The following AVEN variants were observed in gnomAD, a reference collection of about 807,000 sequenced individuals.
AVEN encodes the protein apoptosis and caspase activation inhibitor, also known as cell death regulator Aven.
In AVEN, 41 loss-of-function variants were observed where a neutral mutation model predicts 38.1. The ratio of observed to expected loss-of-function variants is 1.08; its 90% CI spans 0.84 to 1.40. The LOEUF (loss-of-function observed/expected upper bound fraction) is 1.40. Ranked by LOEUF, AVEN falls within the 40% of genes most tolerant of loss-of-function variation. AVEN has a pLI of 0.00. For missense variants in AVEN, 605 were observed against 438.8 expected (o/e 1.38, Z -3.38); for synonymous variants, 206 against 171.8 (o/e 1.20, Z -1.56).
At chr15:33,910,868 T>C (rs1277978005) in intron 2 of AVEN, among the ~76,000 whole-genome samples, 2 of 152,188 alleles carry the variant, frequency 1.3e-5, no homozygotes, top group Non-Finnish European at 2.9e-5. Flanking sequence ...TAGTTATCAC[T>C]CAACTCTCCA....
intron 2 of AVEN, among the ~76,000 whole-genome samples, chr15:33,901,157 C>T (rs533031558): frequency 1.3e-5 from 2 of 152,246 alleles, no homozygotes; most frequent in South Asian, 4.1e-4. Context: ...GTCACAGCTA[C>T]TTGGGAGGCT....
intron 2 of AVEN, among the ~76,000 whole-genome samples, chr15:33,937,609 A>T (rs115487924): frequency 6.6e-6 from 1 of 151,988 alleles, no homozygotes; most frequent in Non-Finnish European, 1.5e-5. Flanking sequence ...TAACCCCCCA[A>T]TGTGATAGTA....
chr15:34,066,337 T>G (rs890455068), intron 3 of AVEN: 2 of 152,258 alleles, frequency 1.3e-5, no homozygotes, highest in African/African-American at 2.4e-5. Context: ...AACCCCTTCA[T>G]GAGAATAGGC....
At chr15:33,986,091 A>T (rs944230574) in intron 2 of AVEN, among the ~76,000 whole-genome samples, 1 of 17,798 alleles carries the variant, frequency 5.6e-5, no homozygotes, top group African/African-American at 6.7e-5. Flanking sequence ...TTTCACTGTA[A>T]ATTTTTTTTT....
intron 2 of AVEN, among the ~76,000 whole-genome samples, chr15:33,903,591 T>C (rs1043598792): frequency 3.9e-5 from 6 of 152,234 alleles, no homozygotes; most frequent in African/African-American, 1.4e-4. Context: ...AACTACAAGT[T>C]TCCTCAAAGC....
At position 33,866,468 on chromosome 15, in the gene AVEN, G is replaced by GAGGT. The variant is rs1365330024; in HGVS notation, c.*141_*144dup. The GAGGT allele has an allele frequency of 8.2e-6, 5 of 612,752 alleles. No homozygotes were observed. In the African/African-American group the frequency reaches 9.3e-5, roughly 11 times the overall value. 38.0% of individuals were successfully genotyped at this position (612,752 alleles called of 1,614,324 possible). A position where few individuals can be genotyped will look rare whatever the true frequency, so the allele number is the denominator to read the frequency against. On this transcript the variant is annotated 3_prime_UTR_variant, in exon 6 of 6. Coordinates refer to ENST00000306730, the MANE Select transcript of AVEN (RefSeq NM_020371.3). ...TGTATTCTTTCAGATGTCAAACACA[G>GAGGT]AGGTAGGCATTTACTGCTGTGAGCA...
At chr15:33,988,058 G>A (rs1198670776) in intron 2 of AVEN, among the ~76,000 whole-genome samples, 1 of 152,216 alleles carries the variant, frequency 6.6e-6, no homozygotes, top group Non-Finnish European at 1.5e-5. Context: ...GCAGTGCCCT[G>A]AGGCCTGGCT....
At chr15:33,945,202 C>T (rs554338684) in intron 2 of AVEN, among the ~76,000 whole-genome samples, 23 of 152,274 alleles carry the variant, frequency 1.5e-4, no homozygotes, top group African/African-American at 5.3e-4. Context: ...GGTACAACCA[C>T]AAGAGACATT....
intron 2 of AVEN, among the ~76,000 whole-genome samples, chr15:33,987,248 A>G (rs1489210544): frequency 1.3e-5 from 2 of 152,184 alleles, no homozygotes; most frequent in Non-Finnish European, 2.9e-5. Context: ...TATGTGCTTT[A>G]TTCTTTTGCA....
At chr15:33,891,116 T>C (rs1457659267) in intron 2 of AVEN, among the ~76,000 whole-genome samples, 1 of 151,510 alleles carries the variant, frequency 6.6e-6, no homozygotes, top group Non-Finnish European at 1.5e-5. Context: ...AAAAAAAAAA[T>C]CCTAAAAGAT....
downstream of AVEN, among the ~76,000 whole-genome samples, chr15:33,863,360 G>C (rs1426395625): frequency 2.6e-5 from 4 of 152,156 alleles, no homozygotes; most frequent in African/African-American, 9.7e-5. Context: ...CTGTGGGCCA[G>C]GACCTGACGC....
At chr15:33,954,967 G>A (rs1448295713) in intron 2 of AVEN, among the ~76,000 whole-genome samples, 3 of 152,126 alleles carry the variant, frequency 2.0e-5, no homozygotes, top group Non-Finnish European at 4.4e-5. Context: ...TCTTTCTACA[G>A]CTTTGCACTG....
chr15:34,038,715 G>A (rs1457741384), intron 1 of AVEN, 65 bp downstream of exon 1: 14 of 1,118,676 alleles, frequency 1.3e-5, no homozygotes, highest in African/African-American at 1.7e-5. Context: ...GCTCTTGACT[G>A]GCGGCCTCGG....
chr15:33,999,947 C>T (rs554461931), intron 2 of AVEN, among the ~76,000 whole-genome samples: 1 of 152,200 alleles, frequency 6.6e-6, no homozygotes, highest in Admixed American at 6.5e-5. Context: ...CAATACTACG[C>T]GATCTGGCTG....
intron 2 of AVEN, chr15:33,990,949 A>C (rs1768567007): frequency 6.6e-6 from 1 of 152,226 alleles, no homozygotes; most frequent in Non-Finnish European, 1.5e-5. Flanking sequence ...CTAAAATCAG[A>C]AGATTTTTCC....
intron 2 of AVEN, among the ~76,000 whole-genome samples, chr15:33,905,048 T>C (rs1408256768): frequency 6.7e-6 from 1 of 148,542 alleles, no homozygotes; most frequent in Admixed American, 6.8e-5. Flanking sequence ...GAGAATCACT[T>C]GAACCTGGGA....
At chr15:33,943,267 C>T (rs901258922) in intron 2 of AVEN, among the ~76,000 whole-genome samples, 1 of 152,194 alleles carries the variant, frequency 6.6e-6, no homozygotes, top group Admixed American at 6.5e-5. Flanking sequence ...GAACATTATT[C>T]AGCCTTCAAA....
Position 33,866,595 on chromosome 15 carries a change from G to T in AVEN, c.*18C>A, listed in dbSNP as rs367811814. On this transcript the variant is annotated 3_prime_UTR_variant, in exon 6 of 6. Transcript: ENST00000306730. ...AGAAGGCAACCAAGATTTGCTTCAGGCACTTTTTTTCCCCTTTTTAGGAAA... is the reference window on the plus strand; with the variant it reads ...AGAAGGCAACCAAGATTTGCTTCAGTCACTTTTTTTCCCCTTTTTAGGAAA... 16 of 1,596,750 alleles carry T rather than the reference G, an allele frequency of 1.0e-5. No homozygotes were observed. The Admixed American group carries it at 2.3e-4, about 23-fold the overall frequency.
intron 1 of AVEN, among the ~76,000 whole-genome samples, chr15:34,010,769 T>G (rs555594586): frequency 3.9e-4 from 60 of 152,314 alleles, no homozygotes; most frequent in African/African-American, 1.2e-3. Flanking sequence ...TTACAATGTG[T>G]ATAACTGAAA....
Sources: gnomAD v4.1 joint callset for allele counts (sites outside exome capture counted in the v4.1 genomes callset) on GRCh38, gnomAD v4.1.1 for gene constraint, MANE v1.5 for transcripts, NCBI Gene and HGNC (gene_info 2026-07-23, HGNC 2026-07-21) for gene names.